Variants in MFSD6 observed in about 807,000 individuals in gnomAD.
The protein encoded by MFSD6 is major facilitator superfamily domain-containing protein 6.
In MFSD6, 26 loss-of-function variants were observed where a neutral mutation model predicts 56.3. That is an observed-to-expected ratio of 0.46 (90% CI 0.34 to 0.64). The LOEUF is 0.64. MFSD6 is among the 30% of genes least tolerant of loss of function. The pLI, the probability that MFSD6 is intolerant of heterozygous loss-of-function variation, is 0.01. For synonymous variants in MFSD6, 331 were observed against 366.9 expected (o/e 0.90, Z 1.12); for missense variants, 750 against 986.2 (o/e 0.76, Z 3.21).
At chr2:190,464,559 G>C (rs574095110) in intron 3 of MFSD6, among the ~76,000 whole-genome samples, 1 of 152,268 alleles carries the variant, frequency 6.6e-6, no homozygotes, top group East Asian at 1.9e-4. Flanking sequence ...TCTGGCCACA[G>C]ATGCTTGAGA....
Position 190,456,800 on chromosome 2 carries a change from G to T in MFSD6, c.1533-12958G>T, listed in dbSNP as rs373971048. 1.5e-4 allele frequency among the ~76,000 whole-genome samples: 23 copies of T among 152,326 alleles called. No homozygotes were observed. In the East Asian group the frequency reaches 3.1e-3, roughly 20 times the overall value. On this transcript the variant is annotated intron_variant, in intron 3 of 7. Coordinates refer to ENST00000392328, the MANE Select transcript of MFSD6 (RefSeq NM_017694.4). This position sits in a 1 kb window ranked among gnomAD's most constrained non-coding sequence, Gnocchi z 5.4. ...AGCATCGATACCTGCAGTTTCTGTG[G>T]CTACCTCAGCAGAAATGATCTTTCA...
In MFSD6 at chr2:190,418,873, G is replaced by A. The variant is rs2124992702; in HGVS notation, c.-54+3460G>A. Among the ~76,000 whole-genome samples, 1 of 152,344 alleles carries A rather than the reference G, an allele frequency of 6.6e-6. No individual in the cohort carries two copies. Among genetic ancestry groups the A allele is most frequent in the Admixed American group, 6.5e-5 (1 of 15,302 alleles). On this transcript the variant is annotated intron_variant, in intron 2 of 7. Transcript: ENST00000392328. This position sits in a 1 kb window ranked among gnomAD's most constrained non-coding sequence, Gnocchi z 4.1. Reference sequence around the variant, plus strand: ...CTCTGGGGAGCTAGTAGCAGCTCTGGGGAGCCCGTGGGCAGTGCTGAGTGC... The same window carrying A: ...CTCTGGGGAGCTAGTAGCAGCTCTGAGGAGCCCGTGGGCAGTGCTGAGTGC...
Position 190,497,694 on chromosome 2 carries a change from G to A in MFSD6, c.2147G>A (p.Arg716His), listed in dbSNP as rs761835942. The change falls in exon 7 of 8, where the codon CGT (arginine) becomes CAT (histidine). Residue 716 changes from arginine to histidine, a missense_variant. By Grantham distance (29) the Arg-to-His change is conservative. Around this residue, in one of 5 missense-constraint regions of MFSD6, gnomAD observed 172 missense variants for 203.9 expected, o/e 0.84. Coordinates refer to ENST00000392328, the MANE Select transcript of MFSD6 (RefSeq NM_017694.4). This position sits in a 1 kb window ranked among gnomAD's most constrained non-coding sequence, Gnocchi z 5.2. ...ATGATGCAACTCACAAGAGACAACCGTGCTTCTGAGATACAGCCTTTACAG... is the reference window on the plus strand; with the variant it reads ...ATGATGCAACTCACAAGAGACAACCATGCTTCTGAGATACAGCCTTTACAG... ...KEMMQLTRDN[R>H]ASEIQPLQGT... The A allele has an allele frequency of 1.2e-5, 20 of 1,613,852 alleles. No individual in the cohort carries two copies. The highest frequency in any genetic ancestry group is 1.7e-5 in the Admixed American group (1 of 59,990).
Position 190,436,277 on chromosome 2 carries a change from G to C in MFSD6, c.248G>C (p.Gly83Ala), listed in dbSNP as rs2125050166. ...TATTTTTTCTTTTACTCTGCCTATG[G>C]CTCTCTCTATCCCCTTTTGCCTGTG... ...VFYFFFYSAY[G>A]SLYPLLPVYY... is the part of the protein sequence containing the mutation. The change falls in exon 3 of 8, where the codon GGC becomes GCC. Residue 83 changes from glycine to alanine, a missense_variant. Around this residue, in one of 5 missense-constraint regions of MFSD6, gnomAD observed 76 missense variants for 101.9 expected, o/e 0.75. Transcript: ENST00000392328. This position sits in a 1 kb window ranked among gnomAD's most constrained non-coding sequence, Gnocchi z 5.3. The C allele has an allele frequency of 1.2e-6, 2 of 1,613,864 alleles. No homozygotes were observed. Among genetic ancestry groups the C allele is most frequent in the Non-Finnish European group, 1.7e-6 (2 of 1,179,834 alleles).
Position 190,423,467 on chromosome 2 carries a change from C to T in MFSD6, c.-54+8054C>T, listed in dbSNP as rs1357220145. Among the ~76,000 whole-genome samples the T allele has an allele frequency of 6.6e-6, 1 of 152,136 alleles. No individual in the cohort carries two copies. The highest frequency in any genetic ancestry group is 1.5e-5 in the Non-Finnish European group (1 of 68,032). ...GTTTATTGCATGTATCAATCGTTTG[C>T]TCCTTTTTATTGCTGCATAATATCC... On this transcript the variant is annotated intron_variant, in intron 2 of 7. Transcript: ENST00000392328. This position sits in a 1 kb window ranked among gnomAD's most constrained non-coding sequence, Gnocchi z 4.3.
intron 2 of MFSD6, among the ~76,000 whole-genome samples, chr2:190,430,710 G>A (rs1173423119): frequency 8.4e-6 from 1 of 118,668 alleles, no homozygotes; most frequent in East Asian, 3.1e-4. Flanking sequence ...CGTTCTCAAT[G>A]AGCTGTTGGG....
Sources: allele counts gnomAD v4.1 joint callset (sites outside exome capture counted in the v4.1 genomes callset), GRCh38; gene constraint gnomAD v4.1.1; regional missense constraint gnomAD v4.1.1; non-coding constraint Gnocchi (gnomAD v3.1); transcripts MANE v1.5; gene names NCBI Gene and HGNC (gene_info 2026-07-23, HGNC 2026-07-21).